Variants in CTNNA3 observed in about 807,000 individuals in gnomAD.
The protein encoded by CTNNA3 is catenin alpha-3.
Under a neutral mutation model 95.7 loss-of-function variants are expected in CTNNA3, and 76 were observed. The ratio of observed to expected loss-of-function variants is 0.79; its 90% CI spans 0.66 to 0.96. The LOEUF (loss-of-function observed/expected upper bound fraction) is 0.96. Ranked by LOEUF, CTNNA3 falls within the 40% of genes least tolerant of loss-of-function variation. CTNNA3 has a pLI of 0.00. For missense variants in CTNNA3, 1,191 were observed against 1,089.8 expected, an observed-to-expected ratio of 1.09 and a Z score of -1.31; for synonymous variants, 431 against 374.4, an observed-to-expected ratio of 1.15 and a Z score of -1.74.
intron 12 of CTNNA3, among the ~76,000 whole-genome samples, chr10:66,370,880 T>C (rs1412351483): frequency 6.6e-6 from 1 of 152,022 alleles, no homozygotes; most frequent in African/African-American, 2.4e-5. Context: ...TGGCTAACAT[T>C]TTTTAATTAC....
intron 7 of CTNNA3, among the ~76,000 whole-genome samples, chr10:66,874,816 T>G (rs1844552787): frequency 2.6e-5 from 4 of 152,228 alleles, no homozygotes; most frequent in African/African-American, 9.6e-5. Context: ...TTACCTGCTG[T>G]GTTTATTCGT....
chr10:66,251,257 CA>C (rs1201457210), intron 13 of CTNNA3, among the ~76,000 whole-genome samples: 3 of 151,980 alleles, frequency 2.0e-5, no homozygotes, highest in African/African-American at 7.3e-5. Flanking sequence ...TTACACTGAT[CA>C]GTCTTTGTAT....
chr10:66,876,724 T>C (rs1445768158), intron 7 of CTNNA3, among the ~76,000 whole-genome samples: 1 of 151,932 alleles, frequency 6.6e-6, no homozygotes, highest in Non-Finnish European at 1.5e-5. Context: ...GTATGGTTGC[T>C]GCCAGGTGTA....
intron 14 of CTNNA3, among the ~76,000 whole-genome samples, chr10:66,071,089 T>C (rs1378511581): frequency 6.6e-6 from 1 of 152,132 alleles, no homozygotes; most frequent in Non-Finnish European, 1.5e-5. Context: ...ACGCTGAAAA[T>C]TCCAAAGGAA....
intron 11 of CTNNA3, among the ~76,000 whole-genome samples, chr10:66,418,834 T>TA (rs950110664): frequency 5.3e-5 from 8 of 151,964 alleles, no homozygotes; most frequent in African/African-American, 9.7e-5. Context: ...ACCTTCATGA[T>TA]AAAAAAATTC....
intron 15 of CTNNA3, among the ~76,000 whole-genome samples, chr10:65,996,809 T>C (rs1589229375): frequency 6.6e-6 from 1 of 152,292 alleles, no homozygotes. Context: ...TTTACTTCCC[T>C]GTTTTTTTTC....
chr10:66,119,322 T>C (rs1413001257), intron 13 of CTNNA3, among the ~76,000 whole-genome samples: 1 of 152,204 alleles, frequency 6.6e-6, no homozygotes, highest in African/African-American at 2.4e-5. Context: ...CATACAGTAT[T>C]ATTTGTAAGA....
At chr10:66,493,830 T>C (rs565414131) in intron 11 of CTNNA3, among the ~76,000 whole-genome samples, 78 of 150,762 alleles carry the variant, frequency 5.2e-4, no homozygotes, top group Admixed American at 2.6e-3. Flanking sequence ...TGGTCTCGAT[T>C]TCCTGACCTC....
At chr10:66,693,014 A>C (rs186605813) in intron 9 of CTNNA3, among the ~76,000 whole-genome samples, 88 of 152,276 alleles carry the variant, frequency 5.8e-4, no homozygotes, top group Non-Finnish European at 2.6e-4. Context: ...AAGCATGCCA[A>C]ATTTTAAACA....
chr10:67,337,390 G>C (rs1227350627), intron 5 of CTNNA3, among the ~76,000 whole-genome samples: 1 of 152,208 alleles, frequency 6.6e-6, no homozygotes, highest in Non-Finnish European at 1.5e-5. Context: ...AACTTGAATG[G>C]AGGAGTAGTT....
intron 1 of CTNNA3, among the ~76,000 whole-genome samples, chr10:67,705,151 G>T (rs1403313115): frequency 2.6e-5 from 4 of 151,878 alleles, no homozygotes; most frequent in African/African-American, 9.6e-5. Flanking sequence ...AGGATGTGGA[G>T]AAATAGGAAC....
chr10:66,802,645 A>G (rs1841474367), intron 7 of CTNNA3, among the ~76,000 whole-genome samples: 1 of 151,800 alleles, frequency 6.6e-6, no homozygotes, highest in African/African-American at 2.4e-5. Context: ...GTGTCCAAGA[A>G]TATTAAAATA....
intron 9 of CTNNA3, among the ~76,000 whole-genome samples, chr10:66,679,243 A>C (rs773271153): frequency 2.0e-5 from 3 of 152,204 alleles, no homozygotes; most frequent in Non-Finnish European, 2.9e-5. Context: ...CACACCAAGA[A>C]GGCAGAATTA....
intron 15 of CTNNA3, among the ~76,000 whole-genome samples, chr10:66,062,172 TA>T (rs2080214297): frequency 6.6e-6 from 1 of 152,164 alleles, no homozygotes; most frequent in African/African-American, 2.4e-5. Context: ...CAAGATACAG[TA>T]CACAGTAAGC....
At chr10:67,087,703 A>T (rs975331350) in intron 7 of CTNNA3, among the ~76,000 whole-genome samples, 2 of 152,012 alleles carry the variant, frequency 1.3e-5, no homozygotes, top group South Asian at 4.1e-4. Context: ...AGCTAATGTC[A>T]TAATGGCCTG....
chr10:66,030,120 A>G (rs1280111965), intron 15 of CTNNA3, among the ~76,000 whole-genome samples: 1 of 152,192 alleles, frequency 6.6e-6, no homozygotes, highest in Non-Finnish European at 1.5e-5. Context: ...AGGGAGAATC[A>G]ATATCATAAA....
intron 2 of CTNNA3, among the ~76,000 whole-genome samples, chr10:67,633,576 C>G (rs1428744774): frequency 6.6e-6 from 1 of 152,120 alleles, no homozygotes; most frequent in Non-Finnish European, 1.5e-5. Flanking sequence ...GGTGATACTT[C>G]CAGGTAAGGA....
intron 11 of CTNNA3, among the ~76,000 whole-genome samples, chr10:66,386,233 C>T (rs1006913644): frequency 3.3e-5 from 5 of 152,146 alleles, no homozygotes; most frequent in African/African-American, 1.2e-4. Context: ...AGCTGATAAG[C>T]AACTTCAGCA....
At chr10:66,974,637 G>C (rs1849924589) in intron 7 of CTNNA3, among the ~76,000 whole-genome samples, 1 of 152,120 alleles carries the variant, frequency 6.6e-6, no homozygotes, top group Admixed American at 6.5e-5. Flanking sequence ...ATGTATAAGA[G>C]TTTCATTGGT....
Sources: allele counts gnomAD v4.1 joint callset (sites outside exome capture counted in the v4.1 genomes callset), GRCh38; gene constraint gnomAD v4.1.1; transcripts MANE v1.5; gene names NCBI Gene and HGNC (gene_info 2026-07-23, HGNC 2026-07-21).